MEP1A: variants seen among roughly 807,000 people sequenced by gnomAD.
MEP1A encodes meprin A subunit alpha.
MEP1A carries 68 observed loss-of-function variants against 84.5 expected under a neutral mutation model. That is an observed-to-expected ratio of 0.80 (90% CI 0.66 to 0.98). The LOEUF (loss-of-function observed/expected upper bound fraction) is 0.98. Among genes scored for constraint, MEP1A ranks in the 50% least tolerant of loss-of-function variants. The probability of loss-of-function intolerance (pLI) is 0.00; values close to 1 mark genes in which losing one functional copy is unlikely to be tolerated. For synonymous variants in MEP1A, 337 were observed against 336.8 expected, an observed-to-expected ratio of 1.00 and a Z score of -0.01; for missense variants, 887 against 919.9, an observed-to-expected ratio of 0.96 and a Z score of 0.46.
At chr6:46,830,887 T>A (rs767668023) in intron 10 of MEP1A, among the ~76,000 whole-genome samples, 29 of 152,218 alleles carry the variant, frequency 1.9e-4, no homozygotes, top group Non-Finnish European at 3.8e-4. Context: ...GAGTTGAGGA[T>A]GTGTTATGTT....
intron 6 of MEP1A, among the ~76,000 whole-genome samples, chr6:46,812,681 T>G (rs568187992): frequency 6.6e-6 from 1 of 152,190 alleles, no homozygotes; most frequent in South Asian, 2.1e-4. Flanking sequence ...TATCATTCAG[T>G]CCAAAATTTT....
At chr6:46,822,322 G>C (rs995780119) in intron 7 of MEP1A, among the ~76,000 whole-genome samples, 1 of 152,030 alleles carries the variant, frequency 6.6e-6, no homozygotes, top group Non-Finnish European at 1.5e-5. Flanking sequence ...TTACAGGATC[G>C]CATGCCCTGG....
chr6:46,812,622 A>C (rs1456505279), intron 6 of MEP1A, among the ~76,000 whole-genome samples: 1 of 151,960 alleles, frequency 6.6e-6, no homozygotes, highest in Admixed American at 6.6e-5. Context: ...CTTTCCTCTT[A>C]GCACTGCTTT....
At chr6:46,809,800 G>T (rs1767450642) in intron 6 of MEP1A, among the ~76,000 whole-genome samples, 1 of 149,920 alleles carries the variant, frequency 6.7e-6, no homozygotes, top group Non-Finnish European at 1.5e-5. Flanking sequence ...GTAATACATG[G>T]TGTGTGTGTG....
At chr6:46,816,931 T>G (rs1157823324) in intron 6 of MEP1A, among the ~76,000 whole-genome samples, 1 of 152,136 alleles carries the variant, frequency 6.6e-6, no homozygotes, top group Non-Finnish European at 1.5e-5. Flanking sequence ...TGAGGGAACC[T>G]ATTGTTTGGT....
At chr6:46,837,397 CAAT>C (rs2150758897) in intron 13 of MEP1A, among the ~76,000 whole-genome samples, 1 of 152,324 alleles carries the variant, frequency 6.6e-6, no homozygotes, top group African/African-American at 2.4e-5. Flanking sequence ...TTTATGAACA[CAAT>C]GTTACTTTCT....
intron 5 of MEP1A, among the ~76,000 whole-genome samples, chr6:46,802,921 T>C (rs1424811314): frequency 1.3e-5 from 2 of 151,900 alleles, no homozygotes; most frequent in African/African-American, 4.8e-5. Flanking sequence ...ATTCCTAATA[T>C]TTTGTTATAC....
intron 7 of MEP1A, among the ~76,000 whole-genome samples, chr6:46,824,643 GTATT>G (rs919089397): frequency 3.8e-4 from 49 of 129,284 alleles, no homozygotes; most frequent in South Asian, 1.2e-3. Flanking sequence ...TTAAATAAAT[GTATT>G]TAAATTTATA....
At chr6:46,804,934 G>A (rs555846487) in intron 5 of MEP1A, among the ~76,000 whole-genome samples, 1 of 151,910 alleles carries the variant, frequency 6.6e-6, no homozygotes, top group South Asian at 2.1e-4. Flanking sequence ...GGAATCATAT[G>A]TTATATACTC....
At chr6:46,795,122 T>A (rs546803331) in intron 3 of MEP1A, among the ~76,000 whole-genome samples, 1 of 152,266 alleles carries the variant, frequency 6.6e-6, no homozygotes, top group South Asian at 2.1e-4. Flanking sequence ...TTTCTTATCC[T>A]CCATCCCAAG....
At chr6:46,817,976 A>G (rs1392498113) in intron 6 of MEP1A, among the ~76,000 whole-genome samples, 1 of 152,218 alleles carries the variant, frequency 6.6e-6, no homozygotes, top group Non-Finnish European at 1.5e-5. Context: ...CAGAAAGACA[A>G]GGTCAAAAGT....
chr6:46,807,672 GAGGAGGAGA>G (rs1301836486), intron 5 of MEP1A, among the ~76,000 whole-genome samples: 8 of 145,662 alleles, frequency 5.5e-5, no homozygotes, highest in South Asian at 2.2e-4. Flanking sequence ...GAAGAAGGAG[GAGGAGGAGA>G]AGGAGGAGGA....
chr6:46,825,287 T>C lies in MEP1A; in HGVS notation c.572T>C (p.Phe191Ser). 1 of 1,612,010 alleles carries C rather than the reference T, an allele frequency of 6.2e-7. No individual in the cohort carries two copies. Among genetic ancestry groups the C allele is most frequent in the Non-Finnish European group, 8.5e-7 (1 of 1,178,864 alleles). Residue 191 changes from phenylalanine to serine, a missense_variant, in exon 8 of 14, where the codon TTT becomes TCT. Coordinates refer to ENST00000230588, the MANE Select transcript of MEP1A (RefSeq NM_005588.3). ...TCCCTAACAGGTTACCAGCACAACTTTGACACCTATGATGATAGCTTAATC... is the reference window on the plus strand; with the variant it reads ...TCCCTAACAGGTTACCAGCACAACTCTGACACCTATGATGATAGCTTAATC... ...DQILSGYQHN[F>S]DTYDDSLITD...
chr6:46,809,217 A>T (rs1016952251), intron 5 of MEP1A, among the ~76,000 whole-genome samples: 1 of 152,116 alleles, frequency 6.6e-6, no homozygotes, highest in African/African-American at 2.4e-5. Context: ...GTATGCACTT[A>T]ATGTTTATGC....
At chr6:46,809,627 A>C in intron 6 of MEP1A, 90 bp downstream of exon 6, 1 of 796,580 alleles carries the variant, frequency 1.3e-6, no homozygotes, top group Non-Finnish European at 2.1e-6. Context: ...CCAATGTATC[A>C]TTCTTTTGTC....
rs757783871 is a variant in MEP1A at position 46,834,567 on chromosome 6, C to G, written c.1610-11C>G. The G allele has an allele frequency of 6.3e-7, 1 of 1,580,084 alleles. No individual in the cohort carries two copies. The highest frequency in any genetic ancestry group is 1.7e-5 in the Admixed American group (1 of 57,760). On this transcript the variant is annotated splice_polypyrimidine_tract_variant and intron_variant, in intron 11 of 13. Coordinates refer to ENST00000230588, the MANE Select transcript of MEP1A (RefSeq NM_005588.3). ...AGGTAATGTGATTTTATGTTACCTA[C>G]AACTTTGCAGCGATAAATGACACTG...
intron 5 of MEP1A, among the ~76,000 whole-genome samples, chr6:46,801,384 C>T (rs1235359387): frequency 1.3e-5 from 2 of 152,110 alleles, no homozygotes; most frequent in Non-Finnish European, 2.9e-5. Flanking sequence ...ATATTTAGCA[C>T]ATTTTAGTAT....
At chr6:46,807,781 AAG>A (rs1491545215) in intron 5 of MEP1A, among the ~76,000 whole-genome samples, 9 of 87,740 alleles carry the variant, frequency 1.0e-4, no homozygotes, top group African/African-American at 2.6e-4. Context: ...GAAAGAAAGA[AAG>A]AAAGAAAGAA....
intron 3 of MEP1A, among the ~76,000 whole-genome samples, chr6:46,795,168 G>A (rs1767023937): frequency 6.6e-6 from 1 of 152,132 alleles, no homozygotes; most frequent in Non-Finnish European, 1.5e-5. Flanking sequence ...TTCAGTAAAT[G>A]TGACTCACTC....
Sources: gnomAD v4.1 joint callset for allele counts (sites outside exome capture counted in the v4.1 genomes callset) on GRCh38, gnomAD v4.1.1 for gene constraint, MANE v1.5 for transcripts, NCBI Gene and HGNC (gene_info 2026-07-23, HGNC 2026-07-21) for gene names.